The following FOXP1 variants were observed in gnomAD, a reference collection of about 807,000 sequenced individuals.
The protein encoded by FOXP1 is forkhead box P1, also known as forkhead box protein P1.
Under a neutral mutation model 98.2 loss-of-function variants are expected in FOXP1, and 15 were observed. That is an observed-to-expected ratio of 0.15 (90% CI 0.10 to 0.24). The LOEUF is 0.24. Among genes scored for constraint, FOXP1 ranks in the 10% least tolerant of loss-of-function variants. The pLI is 1.00. For synonymous variants in FOXP1, 371 were observed against 314.5 expected, an observed-to-expected ratio of 1.18 and a Z score of -1.90; for missense variants, 633 against 848.5, an observed-to-expected ratio of 0.75 and a Z score of 3.15.
chr3:71,056,061 C>T (rs1419053568), intron 7 of FOXP1, among the ~76,000 whole-genome samples: 3 of 152,032 alleles, frequency 2.0e-5, no homozygotes, highest in Admixed American at 6.5e-5. Flanking sequence ...CTTTTGGGGG[C>T]GATGGAAATG....
chr3:71,535,908 A>C (rs1170710949), intron 2 of FOXP1, among the ~76,000 whole-genome samples: 4 of 152,160 alleles, frequency 2.6e-5, no homozygotes, highest in Admixed American at 6.5e-5. Context: ...CCTGTTAGCT[A>C]CCTACAACAC....
At chr3:71,439,924 G>T (rs183848131) in intron 3 of FOXP1, among the ~76,000 whole-genome samples, 7 of 149,832 alleles carry the variant, frequency 4.7e-5, no homozygotes, top group African/African-American at 1.7e-4. Flanking sequence ...CTCCAGCCTG[G>T]GCGAGAGAGT....
At chr3:71,034,660 T>C (rs1418992105) in intron 11 of FOXP1, among the ~76,000 whole-genome samples, 1 of 152,200 alleles carries the variant, frequency 6.6e-6, no homozygotes, top group African/African-American at 2.4e-5. Flanking sequence ...GTTAGCTGCA[T>C]TCTCATCACC....
chr3:71,453,480 T>C (rs2087151398), intron 3 of FOXP1, among the ~76,000 whole-genome samples: 2 of 152,214 alleles, frequency 1.3e-5, no homozygotes, highest in African/African-American at 2.4e-5. Flanking sequence ...CCGGCAGCCC[T>C]ACTGGCCGCA....
chr3:71,576,513 T>C (rs1028576691), intron 2 of FOXP1, among the ~76,000 whole-genome samples: 1 of 152,220 alleles, frequency 6.6e-6, no homozygotes, highest in Admixed American at 6.5e-5. Context: ...TGTCTTTAAT[T>C]AAATTTTTGC....
At chr3:71,334,941 T>C (rs369517777) in intron 4 of FOXP1, 1 of 152,188 alleles carries the variant, frequency 6.6e-6, no homozygotes, top group Non-Finnish European at 1.5e-5. Flanking sequence ...CTAAATGTCC[T>C]GAAAATGCAA....
intron 3 of FOXP1, among the ~76,000 whole-genome samples, chr3:71,465,807 G>A (rs1214493565): frequency 6.6e-6 from 1 of 152,196 alleles, no homozygotes; most frequent in African/African-American, 2.4e-5. Context: ...GGGCAAGCAA[G>A]CATTACAGCC....
intron 2 of FOXP1, among the ~76,000 whole-genome samples, chr3:71,532,830 C>A (rs2043966955): frequency 6.6e-6 from 1 of 152,184 alleles, no homozygotes; most frequent in African/African-American, 2.4e-5. Flanking sequence ...GCCACTCCAA[C>A]CACATATCTA....
At chr3:71,432,160 C>T (rs1184628874) in intron 3 of FOXP1, among the ~76,000 whole-genome samples, 4 of 152,240 alleles carry the variant, frequency 2.6e-5, no homozygotes, top group Non-Finnish European at 5.9e-5. Context: ...CCACAGAGCA[C>T]TAAGCAACTA....
intron 5 of FOXP1, among the ~76,000 whole-genome samples, chr3:71,285,919 A>G (rs1345503454): frequency 1.3e-5 from 2 of 152,210 alleles, no homozygotes; most frequent in African/African-American, 4.8e-5. Flanking sequence ...CTCTGAATCT[A>G]TAAACCTAAG....
chr3:71,382,321 C>A (rs1296859345), intron 3 of FOXP1, among the ~76,000 whole-genome samples: 1 of 152,090 alleles, frequency 6.6e-6, no homozygotes, highest in East Asian at 1.9e-4. Flanking sequence ...ATGAAATAAC[C>A]ATTTAAGGCT....
At chr3:71,379,199 T>C (rs1055605036) in intron 3 of FOXP1, among the ~76,000 whole-genome samples, 2 of 152,148 alleles carry the variant, frequency 1.3e-5, no homozygotes, top group Non-Finnish European at 2.9e-5. Context: ...TGTGTGATGG[T>C]TGGGAGAACA....
At chr3:71,191,708 A>C (rs1576307140) in intron 6 of FOXP1, among the ~76,000 whole-genome samples, 2 of 152,310 alleles carry the variant, frequency 1.3e-5, no homozygotes, top group Non-Finnish European at 1.5e-5. Context: ...ATTCAGGGTG[A>C]AATATGCCTT....
chr3:71,492,342 C>T (rs1176088062), intron 3 of FOXP1, among the ~76,000 whole-genome samples: 1 of 151,822 alleles, frequency 6.6e-6, no homozygotes, highest in Non-Finnish European at 1.5e-5. Context: ...ATCTCAGCTA[C>T]TTGGGAGGCC....
chr3:71,542,885 C>G (rs146317460), intron 2 of FOXP1, among the ~76,000 whole-genome samples: 2 of 152,274 alleles, frequency 1.3e-5, no homozygotes, highest in East Asian at 3.9e-4. Flanking sequence ...AGCATGGAGG[C>G]AAGAGTGGAG....
At chr3:71,025,635 C>T (rs1035647235) in intron 11 of FOXP1, among the ~76,000 whole-genome samples, 6 of 152,044 alleles carry the variant, frequency 3.9e-5, no homozygotes, top group East Asian at 3.8e-4. Context: ...GTTTTTTAAA[C>T]GTAACAAAAC....
intron 20 of FOXP1, 126 bp downstream of exon 20, chr3:70,965,764 C>G: frequency 1.0e-6 from 1 of 993,276 alleles, no homozygotes; most frequent in Non-Finnish European, 1.6e-6. Context: ...AAACTTCTAG[C>G]TTGGTTCTGG....
chr3:71,076,000 G>A (rs1576607981), intron 7 of FOXP1, among the ~76,000 whole-genome samples: 2 of 152,320 alleles, frequency 1.3e-5, no homozygotes, highest in Middle Eastern at 3.4e-3. Flanking sequence ...GATTACAGGA[G>A]TGAGCCATTG....
At chr3:71,056,100 A>C (rs1576473607) in intron 7 of FOXP1, among the ~76,000 whole-genome samples, 1 of 152,220 alleles carries the variant, frequency 6.6e-6, no homozygotes, top group South Asian at 2.1e-4. Context: ...TGGTGCTCAC[A>C]CACGTGTATA....
Sources: gnomAD v4.1 joint callset for allele counts (sites outside exome capture counted in the v4.1 genomes callset) on GRCh38, gnomAD v4.1.1 for gene constraint, MANE v1.5 for transcripts, NCBI Gene and HGNC (gene_info 2026-07-23, HGNC 2026-07-21) for gene names.